COL24A1: variants seen among roughly 807,000 people sequenced by gnomAD.
The protein encoded by COL24A1 is collagen type XXIV alpha 1 chain.
In COL24A1, 224 loss-of-function variants were observed where a neutral mutation model predicts 253.9. That is an observed-to-expected ratio of 0.88 (90% confidence interval 0.79 to 0.99). The LOEUF (loss-of-function observed/expected upper bound fraction) is 0.99. Ranked by LOEUF, COL24A1 falls within the 50% of genes least tolerant of loss-of-function variation. The pLI, the probability that COL24A1 is intolerant of heterozygous loss-of-function variation, is 0.00. For missense variants in COL24A1, 2,131 were observed against 2,068.5 expected (o/e 1.03, Z -0.59); for synonymous variants, 685 against 673.7 (o/e 1.02, Z -0.26).
rs1023371952 is a variant in COL24A1, at chr1:85,815,188, C to G, written c.3951+1600G>C. On this transcript the variant is annotated intron_variant, in intron 47 of 59. Coordinates refer to ENST00000370571, the MANE Select transcript of COL24A1 (RefSeq NM_152890.7). ...AGGAAAAGATTCACTACAATATTTC[C>G]CAGTAAAACTTAATCCACAAAAATA... Among the ~76,000 whole-genome samples, 84 of 152,232 alleles carry G rather than the reference C, an allele frequency of 5.5e-4. 1 individual carries two copies. Among genetic ancestry groups the G allele is most frequent in the Middle Eastern group, 3.4e-3 (1 of 294 alleles).
chr1:85,927,908 C>A (rs1294718675), intron 24 of COL24A1, among the ~76,000 whole-genome samples: 1 of 137,468 alleles, frequency 7.3e-6, no homozygotes, highest in African/African-American at 2.7e-5. Context: ...CCAGAAAGGA[C>A]ATCTACACCA....
chr1:85,768,144 G>T lies in COL24A1; in HGVS notation c.4375-6578C>A, dbSNP rs117078351. On this transcript the variant is annotated intron_variant, in intron 53 of 59. Coordinates refer to ENST00000370571, the MANE Select transcript of COL24A1 (RefSeq NM_152890.7). ...TTAGTCATTTGAAGAGTATATGAAA[G>T]AATTTCCTAGGTTAAAAAAAGGCAT... is the stretch of plus-strand genomic sequence containing the variant. 7.6e-4 allele frequency among the ~76,000 whole-genome samples: 115 copies of T among 152,216 alleles called. No individual in the cohort carries two copies. The East Asian group carries it at 0.018, about 24-fold the overall frequency.
chr1:85,791,426 A>G (rs1670262431), intron 47 of COL24A1, among the ~76,000 whole-genome samples: 1 of 152,218 alleles, frequency 6.6e-6, no homozygotes, highest in African/African-American at 2.4e-5. Context: ...GATCAAAAAA[A>G]GAATTATTGG....
intron 37 of COL24A1, among the ~76,000 whole-genome samples, chr1:85,855,409 G>A (rs1414877183): frequency 6.6e-6 from 1 of 152,014 alleles, no homozygotes. Flanking sequence ...GTTTGTTGAG[G>A]GTTAACATTG....
intron 7 of COL24A1, among the ~76,000 whole-genome samples, chr1:86,082,713 A>G (rs972241008): frequency 6.9e-6 from 1 of 145,038 alleles, no homozygotes; most frequent in Non-Finnish European, 1.5e-5. Flanking sequence ...ACATATTTAT[A>G]TAATATATAA....
chr1:85,783,885 C>T (rs929675203), intron 50 of COL24A1, among the ~76,000 whole-genome samples: 3 of 152,096 alleles, frequency 2.0e-5, no homozygotes, highest in Non-Finnish European at 4.4e-5. Flanking sequence ...TAATAAACTG[C>T]TTGGGAAAAG....
At chr1:85,876,860 A>C (rs923674598) in intron 33 of COL24A1, among the ~76,000 whole-genome samples, 5 of 152,234 alleles carry the variant, frequency 3.3e-5, no homozygotes, top group Non-Finnish European at 5.9e-5. Flanking sequence ...TTATCAAGTC[A>C]ACTTTAAATC....
At chr1:86,042,217 CA>C (rs1374824365) in intron 12 of COL24A1, among the ~76,000 whole-genome samples, 1 of 151,818 alleles carries the variant, frequency 6.6e-6, no homozygotes, top group African/African-American at 2.4e-5. Flanking sequence ...GCTTAAAATA[CA>C]AGGAAGAAAA....
intron 43 of COL24A1, among the ~76,000 whole-genome samples, chr1:85,831,039 T>C (rs1028522542): frequency 6.6e-6 from 1 of 152,090 alleles, no homozygotes; most frequent in South Asian, 2.1e-4. Context: ...AACTTCCCGA[T>C]AAAGAAAATG....
chr1:85,954,691 T>G (rs1274469659), intron 24 of COL24A1, among the ~76,000 whole-genome samples: 1 of 152,140 alleles, frequency 6.6e-6, no homozygotes, highest in Non-Finnish European at 1.5e-5. Context: ...GATATACATT[T>G]CATATAAATT....
In COL24A1 at chr1:85,755,549, TAG is replaced by T. The variant is rs1336933611; in HGVS notation, c.4437+5845_4437+5846del. Among the ~76,000 whole-genome samples, 3 of 152,078 alleles carry T rather than the reference TAG, an allele frequency of 2.0e-5. No individual in the cohort carries two copies. The South Asian group carries it at 6.2e-4, about 32-fold the overall frequency. ...GACAGACATAAAGAATGAAATATAA[TAG>T]AGAGTCCAGAAATAAACCTTCTCAT... is the stretch of plus-strand genomic sequence containing the variant. On this transcript the variant is annotated intron_variant, in intron 55 of 59. Coordinates refer to ENST00000370571, the MANE Select transcript of COL24A1 (RefSeq NM_152890.7).
Position 85,843,678 on chromosome 1 carries a change from G to A in COL24A1, c.3463-1285C>T, listed in dbSNP as rs1327563432. Among the ~76,000 whole-genome samples the A allele has an allele frequency of 2.6e-5, 4 of 152,132 alleles. No homozygotes were observed. In the East Asian group the frequency reaches 7.7e-4, roughly 29 times the overall value. ...AATGCTGAAATCAAGACATTGAAGG[G>A]GCAGGATAGGTTCAGGTGACTAACT... On this transcript the variant is annotated intron_variant, in intron 39 of 59. Transcript: ENST00000370571.
chr1:85,864,735 T>C (rs1679587920), intron 37 of COL24A1, among the ~76,000 whole-genome samples: 1 of 152,218 alleles, frequency 6.6e-6, no homozygotes, highest in Non-Finnish European at 1.5e-5. Flanking sequence ...CTCTACCTAA[T>C]ATCATACCAC....
At position 85,730,238 on chromosome 1, in the gene COL24A1, T is replaced by C. The variant is rs1222399331; in HGVS notation, c.*308A>G. On this transcript the variant is annotated 3_prime_UTR_variant, in exon 60 of 60. Transcript: ENST00000370571. ...GCATCTCCAGCTGTCTAATGGGTAC[T>C]ACGCACTCAGTCAAAAATATAAGAT... is the stretch of plus-strand genomic sequence containing the variant. 1 of 227,148 alleles carries C rather than the reference T, an allele frequency of 4.4e-6. No homozygotes were observed. Among genetic ancestry groups the C allele is most frequent in the Non-Finnish European group, 8.8e-6 (1 of 113,784 alleles). The allele number at this position is 227,148 out of a possible 1,614,324, so 14.1% of individuals were successfully genotyped here. A position where few individuals can be genotyped will look rare whatever the true frequency, so the allele number is the denominator to read the frequency against.
intron 24 of COL24A1, among the ~76,000 whole-genome samples, chr1:85,948,561 CTT>C (rs1463766141): frequency 2.1e-5 from 3 of 144,934 alleles, no homozygotes; most frequent in African/African-American, 7.5e-5. Flanking sequence ...ACCATTAACT[CTT>C]ATCCTGTTTC....
At chr1:85,977,471 A>G (rs1692801547) in intron 20 of COL24A1, among the ~76,000 whole-genome samples, 1 of 152,200 alleles carries the variant, frequency 6.6e-6, no homozygotes, top group Non-Finnish European at 1.5e-5. Context: ...TTAAAAAAAC[A>G]AACAATACAG....
At chr1:85,900,595 C>T (rs549654421) in intron 28 of COL24A1, among the ~76,000 whole-genome samples, 2 of 152,098 alleles carry the variant, frequency 1.3e-5, no homozygotes, top group Admixed American at 6.6e-5. Context: ...GATATGATCG[C>T]GTCACTGCAC....
At chr1:86,078,893 A>G (rs571522081) in intron 7 of COL24A1, among the ~76,000 whole-genome samples, 2 of 152,356 alleles carry the variant, frequency 1.3e-5, no homozygotes, top group South Asian at 4.1e-4. Context: ...AGTAATCTAC[A>G]GATTCAATAC....
intron 42 of COL24A1, among the ~76,000 whole-genome samples, chr1:85,839,840 A>T (rs1676411296): frequency 6.6e-6 from 1 of 152,180 alleles, no homozygotes; most frequent in African/African-American, 2.4e-5. Context: ...CTTTTCCTGA[A>T]TATTTCTAAT....
Sources: gnomAD v4.1 joint callset for allele counts (sites outside exome capture counted in the v4.1 genomes callset) on GRCh38, gnomAD v4.1.1 for gene constraint, MANE v1.5 for transcripts, NCBI Gene and HGNC (gene_info 2026-07-23, HGNC 2026-07-21) for gene names.